Variants in NID1 observed in about 807,000 individuals in gnomAD.
The protein encoded by NID1 is nidogen-1.
In NID1, 76 loss-of-function variants were observed where a neutral mutation model predicts 130.6. That is an observed-to-expected ratio of 0.58 (90% CI 0.48 to 0.70). The LOEUF (loss-of-function observed/expected upper bound fraction) is 0.70, where lower values mean the gene tolerates loss of function less well. Among genes scored for constraint, NID1 ranks in the 30% least tolerant of loss-of-function variants. NID1 has a pLI of 0.00. For missense variants in NID1, 1,517 were observed against 1,664.8 expected (o/e 0.91, Z 1.54); for synonymous variants, 665 against 675.1 (o/e 0.98, Z 0.23).
At chr1:236,052,521 C>T (rs772837016) in intron 1 of NID1, among the ~76,000 whole-genome samples, 33 of 152,204 alleles carry the variant, frequency 2.2e-4, no homozygotes, top group Admixed American at 1.6e-3. Flanking sequence ...TCACCACCCA[C>T]GCTGCATGTC....
chr1:236,024,280 A>G, intron 8 of NID1, 67 bp from the exon 9 acceptor site: 1 of 1,575,284 alleles, frequency 6.3e-7, no homozygotes, highest in African/African-American at 1.3e-5. Flanking sequence ...CTCCTTCCAC[A>G]GAAAGTCAAC....
chr1:236,024,989 T>G (rs1455473008), intron 8 of NID1, among the ~76,000 whole-genome samples: 2 of 151,788 alleles, frequency 1.3e-5, no homozygotes, highest in Non-Finnish European at 2.9e-5. Flanking sequence ...CCCTCTCTGC[T>G]GCCCAGGCTG....
intron 4 of NID1, among the ~76,000 whole-genome samples, chr1:236,038,735 ATATATATTACCTATGTTATATAGGT>A (rs1221807407): frequency 4.2e-5 from 5 of 119,672 alleles, no homozygotes; most frequent in South Asian, 5.8e-4. Flanking sequence ...GTCATATATA[ATATATATTACCTATGTTATATAGGT>A]CATATATAAT....
intron 1 of NID1, chr1:236,060,857 G>A (rs1660019372): frequency 6.6e-6 from 1 of 152,130 alleles, no homozygotes; most frequent in Non-Finnish European, 1.5e-5. Context: ...AACACCAAGG[G>A]CCTTGGGGTG....
chr1:236,020,801 CT>C (rs1250549883), intron 9 of NID1, among the ~76,000 whole-genome samples: 1 of 152,202 alleles, frequency 6.6e-6, no homozygotes, highest in Non-Finnish European at 1.5e-5. Flanking sequence ...AGTGTCCTGA[CT>C]GGGAATACAC....
chr1:236,062,226 T>C (rs1179038419), intron 1 of NID1, among the ~76,000 whole-genome samples: 1 of 152,210 alleles, frequency 6.6e-6, no homozygotes, highest in Non-Finnish European at 1.5e-5. Context: ...AGCAAGCCTC[T>C]GAAGTCTCTT....
intron 13 of NID1, 69 bp from the exon 14 acceptor site, chr1:235,991,127 AC>A (rs796719314): frequency 6.2e-6 from 8 of 1,294,374 alleles, no homozygotes; most frequent in African/African-American, 3.0e-5. Context: ...ACACACACAC[AC>A]CCCCACACAC....
rs200711810 is a variant in NID1, at chr1:236,024,101, G to A, written c.2097C>T (p.Ile699=). 2.5e-5 allele frequency: 41 copies of A among 1,614,096 alleles called. No individual in the cohort carries two copies. The East Asian group carries it at 2.7e-4, about 11-fold the overall frequency. Residue 699 remains isoleucine, a synonymous_variant, in exon 9 of 20, where the codon ATC becomes ATT. Transcript: ENST00000264187. ...PRTQFTCECS[I]GFRGDGRTCY... is the part of the protein sequence containing the mutation. ...AGGTTCGCCCGTCTCCTCGGAAGCC[G>A]ATGGAGCACTCGCAGGTGAACTGTG...
intron 11 of NID1, among the ~76,000 whole-genome samples, chr1:236,012,343 G>A (rs1429393481): frequency 6.6e-6 from 1 of 152,136 alleles, no homozygotes; most frequent in Non-Finnish European, 1.5e-5. Context: ...GATCACCTGA[G>A]GTCAGGAGTT....
At chr1:236,024,423 C>T (rs1266895535) in intron 8 of NID1, among the ~76,000 whole-genome samples, 1 of 152,248 alleles carries the variant, frequency 6.6e-6, no homozygotes, top group African/African-American at 2.4e-5. Context: ...TATTAGCAAC[C>T]AGCAACGTCC....
At chr1:236,017,389 C>A in intron 9 of NID1, 116 bp from the exon 10 acceptor site, 12 of 972,240 alleles carry the variant, frequency 1.2e-5, no homozygotes, top group East Asian at 3.3e-5. Flanking sequence ...ACAAAATTTT[C>A]TTTTTTTTTT....
intron 2 of NID1, 28 bp downstream of exon 2, chr1:236,048,662 C>T (rs1188606745): frequency 6.3e-7 from 1 of 1,599,298 alleles, no homozygotes; most frequent in African/African-American, 1.4e-5. Flanking sequence ...GTCTGATTAC[C>T]TGCACTTGGA....
chr1:236,006,873 T>C (rs1227404324), intron 12 of NID1, among the ~76,000 whole-genome samples: 1 of 151,620 alleles, frequency 6.6e-6, no homozygotes, highest in Non-Finnish European at 1.5e-5. Flanking sequence ...AATATAAAGA[T>C]AGGAAAAAAA....
chr1:236,034,709 TTAGA>T (rs1166895885), intron 5 of NID1, among the ~76,000 whole-genome samples: 2 of 152,188 alleles, frequency 1.3e-5, no homozygotes, highest in African/African-American at 2.4e-5. Context: ...TGTTCTAGAA[TTAGA>T]TAGAGGTAAT....
At chr1:236,061,189 G>A (rs1328723013) in intron 1 of NID1, among the ~76,000 whole-genome samples, 1 of 152,292 alleles carries the variant, frequency 6.6e-6, no homozygotes, top group Middle Eastern at 3.4e-3. Context: ...TTTAATTACT[G>A]TTTCAGGCAA....
At chr1:236,006,918 A>G (rs143434635) in intron 12 of NID1, among the ~76,000 whole-genome samples, 263 of 152,342 alleles carry the variant, frequency 1.7e-3, no homozygotes, top group African/African-American at 6.1e-3. Flanking sequence ...GGAGGCAGCA[A>G]TTCCAGACAA....
At chr1:236,046,984 G>A (rs555230793) in intron 2 of NID1, among the ~76,000 whole-genome samples, 149 of 152,272 alleles carry the variant, frequency 9.8e-4, no homozygotes, top group Non-Finnish European at 1.6e-3. Context: ...GGTGGCTCAC[G>A]CCCTTAGTCC....
Position 235,977,637 on chromosome 1 carries a change from G to T in NID1, c.*230C>A. ...GTGTATAAGTCTGTCTGAGGGTTGGGGGTAGGGGTGGAGGGTTCTGTCCTT... is the reference window on the plus strand; with the variant it reads ...GTGTATAAGTCTGTCTGAGGGTTGGTGGTAGGGGTGGAGGGTTCTGTCCTT... On this transcript the variant is annotated 3_prime_UTR_variant, in exon 20 of 20. Coordinates refer to ENST00000264187, the MANE Select transcript of NID1 (RefSeq NM_002508.3). The T allele has an allele frequency of 3.9e-6, 2 of 511,034 alleles. No individual in the cohort carries two copies. The highest frequency in any genetic ancestry group is 4.3e-5 in the South Asian group (2 of 46,736). 31.7% of individuals were successfully genotyped at this position (511,034 alleles called of 1,614,324 possible). A position where few individuals can be genotyped will look rare whatever the true frequency, so the allele number is the denominator to read the frequency against.
At chr1:236,028,115 A>G (rs1658992240) in intron 7 of NID1, among the ~76,000 whole-genome samples, 1 of 152,224 alleles carries the variant, frequency 6.6e-6, no homozygotes, top group African/African-American at 2.4e-5. Context: ...TAAGAGGAGA[A>G]AATGGAAGCA....
Sources: allele counts gnomAD v4.1 joint callset (sites outside exome capture counted in the v4.1 genomes callset), GRCh38; gene constraint gnomAD v4.1.1; transcripts MANE v1.5; gene names NCBI Gene and HGNC (gene_info 2026-07-23, HGNC 2026-07-21).